IFT172: variants seen among roughly 807,000 people sequenced by gnomAD.
IFT172 encodes intraflagellar transport protein 172 homolog.
IFT172 carries 164 observed loss-of-function variants against 248.9 expected under a neutral mutation model. The observed-to-expected ratio is 0.66, with a 90% CI of 0.58 to 0.75. IFT172 has a LOEUF of 0.75. Ranked by LOEUF, IFT172 falls within the 30% of genes least tolerant of loss-of-function variation. The pLI is 0.00. For synonymous variants in IFT172, 729 were observed against 791.6 expected, an observed-to-expected ratio of 0.92 and a Z score of 1.33; for missense variants, 1,950 against 2,192.4, an observed-to-expected ratio of 0.89 and a Z score of 2.21.
intron 29 of IFT172, among the ~76,000 whole-genome samples, chr2:27,457,088 T>C (rs1479939968): frequency 6.6e-6 from 1 of 151,958 alleles, no homozygotes; most frequent in Non-Finnish European, 1.5e-5. Context: ...GAGGGCTAAA[T>C]TTCAGGGTTT....
chr2:27,477,210 A>AGGTT lies in IFT172; in HGVS notation c.1325+3_1325+6dup. On this transcript the variant is annotated splice_region_variant and intron_variant, in intron 13 of 47. Transcript: ENST00000260570. The stretch of plus-strand genomic sequence containing the variant: ...TTTCAGGGATTCAGAGAATCTTGTG[A>AGGTT]GGTTACCTGATGAGGTGGGGGTTCA... 6.2e-7 allele frequency: 1 copy of AGGTT among 1,609,262 alleles called. No homozygotes were observed. The highest frequency in any genetic ancestry group is 8.5e-7 in the Non-Finnish European group (1 of 1,175,600).
chr2:27,482,455 G>C (rs561149537), intron 7 of IFT172, among the ~76,000 whole-genome samples: 5 of 151,626 alleles, frequency 3.3e-5, no homozygotes, highest in African/African-American at 1.2e-4. Flanking sequence ...ACCACGCCCA[G>C]CTAATTTTTT....
intron 7 of IFT172, among the ~76,000 whole-genome samples, chr2:27,482,272 T>C (rs1249330615): frequency 7.0e-6 from 1 of 143,734 alleles, no homozygotes; most frequent in Non-Finnish European, 1.5e-5. Context: ...AGTGAGACAC[T>C]GTGCCCGGCC....
At position 27,449,847 on chromosome 2, in the gene IFT172, C is replaced by T. The variant is rs751419243; in HGVS notation, c.4051-47G>A. ...TGGAGACTTTCTCCTCGCTCCCAGT[C>T]TTCCCACTGTGAGCTCTCCCATCTG... On this transcript the variant is annotated intron_variant, in intron 36 of 47. Coordinates refer to ENST00000260570, the MANE Select transcript of IFT172 (RefSeq NM_015662.3). The T allele has an allele frequency of 4.0e-6, 6 of 1,491,130 alleles. No individual in the cohort carries two copies. In the South Asian group the frequency reaches 5.9e-5, roughly 15 times the overall value. 92.4% of individuals were successfully genotyped at this position (1,491,130 alleles called of 1,614,324 possible). A position where few individuals can be genotyped will look rare whatever the true frequency, so the allele number is the denominator to read the frequency against.
Position 27,468,485 on chromosome 2 carries a change from C to A in IFT172, c.1692+2443G>T, listed in dbSNP as rs545297888. Among the ~76,000 whole-genome samples, 249 of 152,104 alleles carry A rather than the reference C, an allele frequency of 1.6e-3. 4 individuals carry two copies. Among genetic ancestry groups the A allele is most frequent in the African/African-American group, 5.7e-3 (235 of 41,544 alleles). ...CTGGCCTCAAGTGATCCGCCTGTCT[C>A]AGCCTCCCAAAGTGCTGGAATTATA... On this transcript the variant is annotated intron_variant, in intron 16 of 47. Transcript: ENST00000260570.
chr2:27,481,984 CTTCT>C (rs1490141659), intron 7 of IFT172, among the ~76,000 whole-genome samples: 2 of 149,076 alleles, frequency 1.3e-5, no homozygotes, highest in Non-Finnish European at 3.0e-5. Flanking sequence ...ACGAATAATT[CTTCT>C]TTTTTTTTTT....
chr2:27,485,139 T>TA lies in IFT172; in HGVS notation c.184-10_184-9insT. ...TAGCTCTTCCTGCCATACTAAGAGTTTAAAAAAAAAAAAAGAAAGAAAAAG... is the reference window on the plus strand; with the variant it reads ...TAGCTCTTCCTGCCATACTAAGAGTTATAAAAAAAAAAAAAGAAAGAAAAAG... On this transcript the variant is annotated splice_polypyrimidine_tract_variant and intron_variant, in intron 2 of 47. Transcript: ENST00000260570. The TA allele has an allele frequency of 1.3e-6, 2 of 1,534,098 alleles. No individual in the cohort carries two copies. The highest frequency in any genetic ancestry group is 1.2e-5 in the South Asian group (1 of 84,680).
At chr2:27,456,461 A>T in intron 30 of IFT172, 50 bp downstream of exon 30, 1 of 1,573,824 alleles carries the variant, frequency 6.4e-7, no homozygotes, top group South Asian at 1.2e-5. Flanking sequence ...TTCTCTAGAT[A>T]GTGGCTCTGG....
Position 27,483,927 on chromosome 2 carries a change from G to A in IFT172, c.347C>T (p.Thr116Ile), listed in dbSNP as rs751230602. 1.1e-5 allele frequency: 17 copies of A among 1,613,638 alleles called. No homozygotes were observed. Among genetic ancestry groups the A allele is most frequent in the Non-Finnish European group, 1.2e-5 (14 of 1,179,676 alleles). ...GTATTCTGCCGGCCATTGCAGACAA[G>A]TGACAGCACTCTGCGTGGAAGGAAA... Reference protein sequence around the residue: ...CNKFIQTSAVTCLQWPAEYII... With the variant: ...CNKFIQTSAVICLQWPAEYII... Residue 116 changes from threonine (T) to isoleucine (I), a missense_variant, in exon 5 of 48, where the codon ACT becomes ATT. By Grantham distance (89) the Thr-to-Ile change is moderately conservative. Around this residue, in one of 3 missense-constraint regions of IFT172, gnomAD observed 1,166 missense variants for 1,254.1 expected, o/e 0.93. Transcript: ENST00000260570.
chr2:27,472,486 G>T, intron 14 of IFT172, 124 bp from the exon 15 acceptor site: 3 of 698,090 alleles, frequency 4.3e-6, no homozygotes, highest in Non-Finnish European at 7.1e-6. Flanking sequence ...TAGAGGTTTT[G>T]TTTAACTATG....
rs1405276017 is a variant in IFT172 at position 27,446,768 on chromosome 2, C to T, written c.4660-413G>A. 2.6e-3 allele frequency among the ~76,000 whole-genome samples: 359 copies of T among 140,052 alleles called. 1 individual carries two copies. The highest frequency in any genetic ancestry group is 8.9e-3 in the African/African-American group (336 of 37,962). 91.9% of individuals were successfully genotyped at this position (140,052 alleles called of 152,430 possible). ...ACTGCGGACTGCAGTGGCGCAATCT[C>T]GGCTCACTGCAAGCTCCGCTTCCCG... On this transcript the variant is annotated intron_variant, in intron 42 of 47. Coordinates refer to ENST00000260570, the MANE Select transcript of IFT172 (RefSeq NM_015662.3).
rs1025956456 is a variant in IFT172, at chr2:27,461,187, G to A, written c.2442+82C>T. 19 of 1,612,448 alleles carry A rather than the reference G, an allele frequency of 1.2e-5. No homozygotes were observed. In the Middle Eastern group the frequency reaches 4.9e-4, roughly 42 times the overall value. On this transcript the variant is annotated intron_variant, in intron 22 of 47. Coordinates refer to ENST00000260570, the MANE Select transcript of IFT172 (RefSeq NM_015662.3). Reference sequence around the variant, plus strand: ...AAGGGAACACCAGCAGTCAGGAAGCGCTCTGCACCCCAAGACTCCTCTGGG... The same window carrying A: ...AAGGGAACACCAGCAGTCAGGAAGCACTCTGCACCCCAAGACTCCTCTGGG...
At chr2:27,461,682 G>C (rs1666683765) in intron 21 of IFT172, 77 bp downstream of exon 21, 1 of 1,576,678 alleles carries the variant, frequency 6.3e-7, no homozygotes. Context: ...GGTTTCTATG[G>C]CCTCCTTGAC....
At chr2:27,483,421 T>G in intron 6 of IFT172, 45 bp from the exon 7 acceptor site, 1 of 1,447,290 alleles carries the variant, frequency 6.9e-7, no homozygotes, top group Non-Finnish European at 9.7e-7. Flanking sequence ...GACTATTTTA[T>G]CTCACCAAGA....
Position 27,472,300 on chromosome 2 carries a change from C to T in IFT172, c.1474G>A (p.Glu492Lys), listed in dbSNP as rs750169290. 3.1e-6 allele frequency: 5 copies of T among 1,614,024 alleles called. No homozygotes were observed. Among genetic ancestry groups the T allele is most frequent in the Non-Finnish European group, 3.4e-6 (4 of 1,180,028 alleles). ...AGCTTGTGTCCAGTCTCATTAAGTT[C>T]CAGCCAATCCACACGGCTCTCATGG... ...VSHESRVDWL[E>K]LNETGHKLLF... Residue 492 changes from glutamate to lysine, a missense_variant, in exon 15 of 48, where the codon GAA becomes AAA. Coordinates refer to ENST00000260570, the MANE Select transcript of IFT172 (RefSeq NM_015662.3).
chr2:27,483,691 T>G (rs1246292460), intron 5 of IFT172, 32 bp from the exon 6 acceptor site: 1 of 1,607,402 alleles, frequency 6.2e-7, no homozygotes, highest in Non-Finnish European at 8.5e-7. Flanking sequence ...CAAGTATGGT[T>G]AGGCTATTTT....
chr2:27,481,425 T>TCACACA (rs71401571), intron 7 of IFT172, among the ~76,000 whole-genome samples, 165 bp from the exon 8 acceptor site: 69 of 145,238 alleles, frequency 4.8e-4, no homozygotes, highest in African/African-American at 1.1e-3. Context: ...TCACAAATTG[T>TCACACA]CACACACACA....
At chr2:27,452,262 C>T (rs1665746850) in intron 35 of IFT172, among the ~76,000 whole-genome samples, 3 of 152,284 alleles carry the variant, frequency 2.0e-5, no homozygotes, top group South Asian at 2.1e-4. Context: ...AACTGGGACA[C>T]TGGCTTTTTC....
In IFT172 at chr2:27,454,189, G is replaced by A. The variant is rs549747379; in HGVS notation, c.3531-27C>T. On this transcript the variant is annotated intron_variant, in intron 32 of 47. Coordinates refer to ENST00000260570, the MANE Select transcript of IFT172 (RefSeq NM_015662.3). This position sits in a 1 kb window ranked among gnomAD's most constrained non-coding sequence, Gnocchi z 4.2. ...TGCCTCCAGGTGGGGACAGAGGAGA[G>A]ACTGAGTATAGGACTGAGGCCCCAA... 338 of 1,607,604 alleles carry A rather than the reference G, an allele frequency of 2.1e-4. 2 individuals are homozygous for A. In the South Asian group the frequency reaches 3.3e-3, roughly 16 times the overall value.
Sources: gnomAD v4.1 joint callset for allele counts (sites outside exome capture counted in the v4.1 genomes callset) on GRCh38, gnomAD v4.1.1 for gene constraint, gnomAD v4.1.1 regional missense constraint, Gnocchi (gnomAD v3.1) non-coding constraint, MANE v1.5 for transcripts, NCBI Gene and HGNC (gene_info 2026-07-23, HGNC 2026-07-21) for gene names.